AUTS2: variants seen among roughly 807,000 people sequenced by gnomAD.
AUTS2 encodes activator of transcription and developmental regulator AUTS2.
A neutral mutation model predicts 112.4 loss-of-function variants in AUTS2; 17 were observed. That is an observed-to-expected ratio of 0.15 (90% CI 0.10 to 0.23). The LOEUF (loss-of-function observed/expected upper bound fraction) is 0.23, where lower values mean the gene tolerates loss of function less well. Among genes scored for constraint, AUTS2 ranks in the 10% least tolerant of loss-of-function variants. The pLI is 1.00. For missense variants in AUTS2, 1,510 were observed against 1,701.6 expected (o/e 0.89, Z 1.98); for synonymous variants, 751 against 702.7 (o/e 1.07, Z -1.09).
chr7:69,625,954 A>G (rs570599230), intron 1 of AUTS2, among the ~76,000 whole-genome samples: 15 of 152,358 alleles, frequency 9.8e-5, no homozygotes, highest in African/African-American at 3.6e-4. Context: ...AGAAGACTCT[A>G]TGAACATTAT....
At chr7:70,438,372 T>C (rs1795982031) in intron 5 of AUTS2, among the ~76,000 whole-genome samples, 1 of 151,710 alleles carries the variant, frequency 6.6e-6, no homozygotes, top group African/African-American at 2.4e-5. Context: ...GTATTAGGAG[T>C]GTTCCTCAGA....
At chr7:70,550,161 AC>A (rs1256775413) in intron 5 of AUTS2, among the ~76,000 whole-genome samples, 1 of 152,180 alleles carries the variant, frequency 6.6e-6, no homozygotes, top group Non-Finnish European at 1.5e-5. Context: ...ATTTAAAAGC[AC>A]CACTGGTAGG....
At chr7:69,684,474 G>T (rs1432783949) in intron 1 of AUTS2, among the ~76,000 whole-genome samples, 1 of 151,998 alleles carries the variant, frequency 6.6e-6, no homozygotes, top group Non-Finnish European at 1.5e-5. Flanking sequence ...TGATTAATTA[G>T]AAAAATAATC....
chr7:70,327,478 C>A (rs924718265), intron 4 of AUTS2, among the ~76,000 whole-genome samples: 1 of 152,158 alleles, frequency 6.6e-6, no homozygotes, highest in Non-Finnish European at 1.5e-5. Flanking sequence ...ATCTATTCTT[C>A]CAAAGAAATT....
chr7:70,021,903 G>A (rs1800293678), intron 2 of AUTS2, among the ~76,000 whole-genome samples: 1 of 152,082 alleles, frequency 6.6e-6, no homozygotes, highest in Non-Finnish European at 1.5e-5. Context: ...ATAAATGTGT[G>A]TAAGTGACAA....
intron 18 of AUTS2, 84 bp from the exon 19 acceptor site, chr7:70,789,664 C>A (rs1791745370): frequency 2.0e-6 from 3 of 1,496,818 alleles, no homozygotes; most frequent in Non-Finnish European, 2.7e-6. Flanking sequence ...CCTCTTCACA[C>A]CACCATTTCA....
At position 70,642,770 on chromosome 7, in the gene AUTS2, G is replaced by A. The variant is rs573509462; in HGVS notation, c.691-55799G>A. ...TCTCTTCTGTCTTCTAAGCTCTCTC[G>A]CTGTCAGCACATAAACATGCGTGTC... On this transcript the variant is annotated intron_variant, in intron 5 of 18. Coordinates refer to ENST00000342771, the MANE Select transcript of AUTS2 (RefSeq NM_015570.4). Among the ~76,000 whole-genome samples the A allele has an allele frequency of 8.9e-5, 9 of 101,322 alleles. No homozygotes were observed. The South Asian group carries it at 2.5e-3, about 28-fold the overall frequency. 66.5% of individuals were successfully genotyped at this position (101,322 alleles called of 152,430 possible).
chr7:70,718,286 G>A (rs1437917268), intron 6 of AUTS2, among the ~76,000 whole-genome samples: 3 of 152,116 alleles, frequency 2.0e-5, no homozygotes, highest in Non-Finnish European at 2.9e-5. Context: ...CACCTTTTCA[G>A]ACATGGCCCC....
At chr7:70,578,049 C>A (rs779225783) in intron 5 of AUTS2, among the ~76,000 whole-genome samples, 1 of 152,140 alleles carries the variant, frequency 6.6e-6, no homozygotes, top group African/African-American at 2.4e-5. Context: ...CTAGGATGGT[C>A]TCAGTCTCCT....
chr7:69,861,169 G>A (rs764734898), intron 1 of AUTS2, among the ~76,000 whole-genome samples: 1 of 152,132 alleles, frequency 6.6e-6, no homozygotes, highest in Non-Finnish European at 1.5e-5. Context: ...ATTTGTAGGA[G>A]GGGGTGGGAA....
At chr7:70,084,203 G>T (rs374964231) in intron 2 of AUTS2, among the ~76,000 whole-genome samples, 230 of 152,028 alleles carry the variant, frequency 1.5e-3, no homozygotes, top group Non-Finnish European at 2.6e-3. Flanking sequence ...TTTGGAGGAG[G>T]GGGGGTTCTG....
chr7:70,314,715 C>T (rs1789916427), intron 4 of AUTS2, among the ~76,000 whole-genome samples: 1 of 152,158 alleles, frequency 6.6e-6, no homozygotes, highest in Admixed American at 6.5e-5. Context: ...CCTCAACTTC[C>T]ATCTCCGCCA....
intron 5 of AUTS2, among the ~76,000 whole-genome samples, chr7:70,658,269 G>A (rs955317365): frequency 2.0e-5 from 3 of 152,292 alleles, no homozygotes; most frequent in East Asian, 1.9e-4. Context: ...TGCTGATCCT[G>A]GAGGCCCTGG....
chr7:69,944,874 T>G (rs1192938476), intron 2 of AUTS2, among the ~76,000 whole-genome samples: 3 of 152,210 alleles, frequency 2.0e-5, no homozygotes, highest in African/African-American at 7.2e-5. Flanking sequence ...CCTACTTTGA[T>G]GAAAGGGTCA....
At chr7:70,362,521 A>G (rs890985533) in intron 4 of AUTS2, among the ~76,000 whole-genome samples, 4 of 152,036 alleles carry the variant, frequency 2.6e-5, no homozygotes, top group Non-Finnish European at 4.4e-5. Flanking sequence ...CTTATAAAAT[A>G]AGTATGTTCG....
chr7:70,789,813 T>C lies in AUTS2; in HGVS notation c.2597T>C (p.Leu866Pro), dbSNP rs531794766. 5 of 1,614,082 alleles carry C rather than the reference T, an allele frequency of 3.1e-6. No homozygotes were observed. In the Admixed American group the frequency reaches 6.7e-5, roughly 22 times the overall value. Reference sequence around the variant, plus strand: ...GCACCTGTCCTCCCGGTGAATGCCCTGGGACATACCCGCAGCTCCACTGAA... The same window carrying C: ...GCACCTGTCCTCCCGGTGAATGCCCCGGGACATACCCGCAGCTCCACTGAA... Reference protein sequence around the residue: ...SPAPVLPVNALGHTRSSTEQI... With the variant: ...SPAPVLPVNAPGHTRSSTEQI... Residue 866 changes from leucine to proline, a missense_variant, in exon 19 of 19, where the codon CTG (leucine) becomes CCG (proline). By Grantham distance (98) the Leu-to-Pro change is moderately conservative. This residue lies in a region of AUTS2 where 788 missense variants were observed against 797.6 expected (regional missense o/e 0.99). Coordinates refer to ENST00000342771, the MANE Select transcript of AUTS2 (RefSeq NM_015570.4).
intron 5 of AUTS2, among the ~76,000 whole-genome samples, chr7:70,572,525 T>G (rs534546416): frequency 3.4e-4 from 51 of 152,234 alleles, no homozygotes; most frequent in African/African-American, 1.2e-3. Context: ...AAACATATTC[T>G]TAGACATAAT....
intron 1 of AUTS2, among the ~76,000 whole-genome samples, chr7:69,847,655 T>G (rs1162455543): frequency 1.3e-5 from 2 of 152,192 alleles, no homozygotes; most frequent in Non-Finnish European, 2.9e-5. Context: ...ACTTTTATAC[T>G]AGAAAATAAA....
At chr7:70,384,429 C>T (rs1232700457) in intron 4 of AUTS2, among the ~76,000 whole-genome samples, 1 of 152,216 alleles carries the variant, frequency 6.6e-6, no homozygotes, top group African/African-American at 2.4e-5. Flanking sequence ...ATTTTTGAAA[C>T]ATATAATTGG....
Sources: gnomAD v4.1 joint callset for allele counts (sites outside exome capture counted in the v4.1 genomes callset) on GRCh38, gnomAD v4.1.1 for gene constraint, gnomAD v4.1.1 regional missense constraint, MANE v1.5 for transcripts, NCBI Gene and HGNC (gene_info 2026-07-23, HGNC 2026-07-21) for gene names.